Variants in SDK1 observed in about 807,000 individuals in gnomAD.
SDK1 encodes the protein protein sidekick-1.
Under a neutral mutation model 245.5 loss-of-function variants are expected in SDK1, and 157 were observed. The ratio of observed to expected loss-of-function variants is 0.64; its 90% confidence interval spans 0.56 to 0.73. The LOEUF (loss-of-function observed/expected upper bound fraction) is 0.73, where lower values mean the gene tolerates loss of function less well. Ranked by LOEUF, SDK1 falls within the 30% of genes least tolerant of loss-of-function variation. SDK1 has a pLI of 0.00. For missense variants in SDK1, 3,583 were observed against 3,002.3 expected (o/e 1.19, Z -4.52); for synonymous variants, 1,647 against 1,278.5 (o/e 1.29, Z -6.15).
At chr7:3,571,778 TTGGA>T (rs2128629752) in intron 1 of SDK1, among the ~76,000 whole-genome samples, 1 of 152,194 alleles carries the variant, frequency 6.6e-6, no homozygotes, top group African/African-American at 2.4e-5. Flanking sequence ...AATTTTTAAC[TTGGA>T]TGGAGCAGTT....
intron 2 of SDK1, among the ~76,000 whole-genome samples, chr7:3,625,005 C>G (rs1782070188): frequency 6.6e-6 from 1 of 152,126 alleles, no homozygotes; most frequent in Non-Finnish European, 1.5e-5. Flanking sequence ...TGCCATTGCA[C>G]TCCAGCCTGG....
At chr7:3,801,152 A>G (rs894614954) in intron 4 of SDK1, among the ~76,000 whole-genome samples, 1 of 152,222 alleles carries the variant, frequency 6.6e-6, no homozygotes, top group Non-Finnish European at 1.5e-5. Flanking sequence ...AATAAGACAC[A>G]TCACTATTTC....
intron 12 of SDK1, among the ~76,000 whole-genome samples, chr7:3,973,568 G>A (rs1423705319): frequency 6.6e-6 from 1 of 152,086 alleles, no homozygotes; most frequent in African/African-American, 2.4e-5. Context: ...TGTTTTTGAA[G>A]GGTGATTTTT....
chr7:3,421,244 G>A (rs1452258303), intron 1 of SDK1, among the ~76,000 whole-genome samples: 2 of 151,806 alleles, frequency 1.3e-5, no homozygotes, highest in African/African-American at 2.4e-5. Context: ...GCTAATTTTT[G>A]TAATTTTAAT....
intron 2 of SDK1, among the ~76,000 whole-genome samples, chr7:3,629,136 C>CAA (rs756692812): frequency 3.2e-5 from 4 of 125,866 alleles, no homozygotes; most frequent in Non-Finnish European, 5.1e-5. Context: ...ACTAAAAATG[C>CAA]AAAAAAAAAA....
chr7:3,556,995 T>C (rs1779608286), intron 1 of SDK1, among the ~76,000 whole-genome samples: 1 of 150,590 alleles, frequency 6.6e-6, no homozygotes, highest in Non-Finnish European at 1.5e-5. Flanking sequence ...ATTAAAAATA[T>C]TAAAAAATAA....
intron 1 of SDK1, among the ~76,000 whole-genome samples, chr7:3,555,482 A>G (rs1026796246): frequency 2.6e-5 from 4 of 152,206 alleles, no homozygotes; most frequent in African/African-American, 9.6e-5. Context: ...AAAAGAAAAC[A>G]TTGGGGAAAC....
rs558826611 is a variant in SDK1, at chr7:3,360,076, G to A, written c.298+58192G>A. Among the ~76,000 whole-genome samples, 9 of 152,280 alleles carry A rather than the reference G, an allele frequency of 5.9e-5. No homozygotes were observed. In the East Asian group the frequency reaches 1.7e-3, roughly 29 times the overall value. On this transcript the variant is annotated intron_variant, in intron 1 of 44. Coordinates refer to ENST00000404826, the MANE Select transcript of SDK1 (RefSeq NM_152744.4). ...CTGCAAAATGTGAGGGACAGGAGAAGAGAAGTTTTTTTCCTCTTATGTCAT... is the reference window on the plus strand; with the variant it reads ...CTGCAAAATGTGAGGGACAGGAGAAAAGAAGTTTTTTTCCTCTTATGTCAT...
chr7:3,422,940 A>G (rs1369116595), intron 1 of SDK1, among the ~76,000 whole-genome samples: 1 of 152,240 alleles, frequency 6.6e-6, no homozygotes, highest in Non-Finnish European at 1.5e-5. Context: ...CCTGTATATC[A>G]GAGATATTAA....
At chr7:3,813,644 G>T (rs1368431170) in intron 4 of SDK1, among the ~76,000 whole-genome samples, 6 of 145,664 alleles carry the variant, frequency 4.1e-5, no homozygotes, top group Admixed American at 6.9e-5. Context: ...GGATGGCTGG[G>T]TCAAATGGTA....
chr7:3,399,551 G>A (rs947286516), intron 1 of SDK1, among the ~76,000 whole-genome samples: 1 of 152,108 alleles, frequency 6.6e-6, no homozygotes, highest in Admixed American at 6.5e-5. Context: ...AACTTTGGAA[G>A]TTCAAATTTG....
rs775414821 is a variant in SDK1 at position 4,077,191 on chromosome 7, T to C, written c.3202+2T>C. The stretch of plus-strand genomic sequence containing the variant: ...CCATTTCTTCTGGAGTGCCCCCAGG[T>C]CAGTAGAATCGTGTGCGGTCCTCCT... On this transcript the variant is annotated splice_donor_variant, in intron 21 of 44. Transcript: ENST00000404826. LOFTEE classifies it high-confidence loss of function. 1 of 1,613,822 alleles carries C rather than the reference T, an allele frequency of 6.2e-7. No homozygotes were observed. Among genetic ancestry groups the C allele is most frequent in the Admixed American group, 1.7e-5 (1 of 60,000 alleles).
chr7:3,303,767 A>G (rs1003180356), intron 1 of SDK1, among the ~76,000 whole-genome samples: 8 of 152,126 alleles, frequency 5.3e-5, no homozygotes, highest in African/African-American at 1.4e-4. Context: ...TTTATATCGT[A>G]TTGAAAATTC....
At chr7:3,663,129 CT>C (rs1377584852) in intron 4 of SDK1, among the ~76,000 whole-genome samples, 1 of 152,120 alleles carries the variant, frequency 6.6e-6, no homozygotes, top group Admixed American at 6.5e-5. Flanking sequence ...AAAACAAAAT[CT>C]GTTTTCAATG....
At chr7:3,671,242 C>T (rs2128662844) in intron 4 of SDK1, among the ~76,000 whole-genome samples, 1 of 152,340 alleles carries the variant, frequency 6.6e-6, no homozygotes, top group East Asian at 1.9e-4. Flanking sequence ...CTTCCTCTCA[C>T]TGTCTCTTCA....
At chr7:3,586,438 C>A (rs1780690850) in intron 1 of SDK1, among the ~76,000 whole-genome samples, 2 of 151,866 alleles carry the variant, frequency 1.3e-5, no homozygotes, top group South Asian at 4.2e-4. Flanking sequence ...TGGCTCACGC[C>A]TGTAATCCCA....
intron 17 of SDK1, among the ~76,000 whole-genome samples, chr7:4,047,444 G>C (rs1241079852): frequency 6.6e-6 from 1 of 152,122 alleles, no homozygotes; most frequent in Non-Finnish European, 1.5e-5. Flanking sequence ...ATGGATATTG[G>C]TCTATAGTTT....
intron 4 of SDK1, among the ~76,000 whole-genome samples, chr7:3,788,789 C>G (rs968679877): frequency 2.6e-5 from 4 of 152,144 alleles, no homozygotes; most frequent in African/African-American, 9.7e-5. Context: ...GTAGTGCTAC[C>G]CAAAGGTCCC....
At chr7:3,579,042 C>T (rs556159580) in intron 1 of SDK1, among the ~76,000 whole-genome samples, 6 of 152,014 alleles carry the variant, frequency 3.9e-5, no homozygotes, top group South Asian at 2.1e-4. Context: ...TCCTCTGCCG[C>T]GGCTCCAGCT....
Sources: gnomAD v4.1 joint callset for allele counts (sites outside exome capture counted in the v4.1 genomes callset) on GRCh38, gnomAD v4.1.1 for gene constraint, MANE v1.5 for transcripts, NCBI Gene and HGNC (gene_info 2026-07-23, HGNC 2026-07-21) for gene names.